SYNPO2: variants seen among roughly 807,000 people sequenced by gnomAD.
SYNPO2 encodes the protein synaptopodin 2.
In SYNPO2, 56 loss-of-function variants were observed where a neutral mutation model predicts 85.0. The ratio of observed to expected loss-of-function variants is 0.66; its 90% CI spans 0.53 to 0.82. The LOEUF is 0.82. Ranked by LOEUF, SYNPO2 falls within the 40% of genes least tolerant of loss-of-function variation. The pLI is 0.00. For synonymous variants in SYNPO2, 602 were observed against 591.1 expected (o/e 1.02, Z -0.27); for missense variants, 1,575 against 1,534.2 (o/e 1.03, Z -0.44).
intron 1 of SYNPO2, among the ~76,000 whole-genome samples, chr4:118,861,156 T>C (rs1731602931): frequency 6.6e-6 from 1 of 152,100 alleles, no homozygotes; most frequent in African/African-American, 2.4e-5. Context: ...AACAGTTTCA[T>C]AGTCTGAGCT....
At position 118,977,476 on chromosome 4, in the gene SYNPO2, A is replaced by C. The variant is rs183299477; in HGVS notation, c.106-45954A>C. Among the ~76,000 whole-genome samples the C allele has an allele frequency of 3.3e-3, 504 of 152,320 alleles. 13 individuals carry two copies. Among genetic ancestry groups the C allele is most frequent in the Admixed American group, 0.029 (446 of 15,298 alleles). On this transcript the variant is annotated intron_variant, in intron 1 of 4. Transcript: ENST00000307142. ...CTGAGGGAGTGGGCTCCGGCCTTGG[A>C]CAGCCCAGAAAGGGGCTCCCACAGT...
chr4:118,946,506 C>T (rs944782191), intron 1 of SYNPO2, among the ~76,000 whole-genome samples: 1 of 138,004 alleles, frequency 7.2e-6, no homozygotes, highest in Non-Finnish European at 1.6e-5. Flanking sequence ...TGGAACAACT[C>T]TTGAAGGATT....
At chr4:118,864,266 A>C (rs182617939) in intron 1 of SYNPO2, among the ~76,000 whole-genome samples, 216 of 152,320 alleles carry the variant, frequency 1.4e-3, no homozygotes, top group African/African-American at 4.8e-3. Flanking sequence ...ACAGTTTCTA[A>C]AATTCCTCTT....
intron 1 of SYNPO2, among the ~76,000 whole-genome samples, chr4:119,013,907 C>T (rs1737424262): frequency 6.6e-6 from 1 of 152,202 alleles, no homozygotes; most frequent in African/African-American, 2.4e-5. Context: ...GTTTCAGATT[C>T]TGCAGTACAA....
At chr4:118,934,642 G>T (rs770785612) in intron 1 of SYNPO2, among the ~76,000 whole-genome samples, 10 of 152,188 alleles carry the variant, frequency 6.6e-5, no homozygotes, top group Non-Finnish European at 8.8e-5. Context: ...CTTTTAGAGT[G>T]GTGAGAATGG....
At chr4:119,015,253 T>A (rs1284764113) in intron 1 of SYNPO2, among the ~76,000 whole-genome samples, 2 of 152,160 alleles carry the variant, frequency 1.3e-5, no homozygotes, top group Non-Finnish European at 1.5e-5. Context: ...AGATCGCCAG[T>A]TTACTAATAA....
At position 119,057,723 on chromosome 4, in the gene SYNPO2, G is replaced by A. The variant is rs1739257571; in HGVS notation, c.3575G>A (p.Gly1192Asp). 1 of 1,614,144 alleles carries A rather than the reference G, an allele frequency of 6.2e-7. No individual in the cohort carries two copies. ...CCTCAAACCCAGAAGGCCTATATGGGCTCATGTGGAAGGCAAGAGTATAAT... is the reference window on the plus strand; with the variant it reads ...CCTCAAACCCAGAAGGCCTATATGGACTCATGTGGAAGGCAAGAGTATAAT... Reference protein sequence around the residue: ...YIPQTQKAYMGSCGRQEYNVT... With the variant: ...YIPQTQKAYMDSCGRQEYNVT... Residue 1192 changes from glycine (G) to aspartate (D), a missense_variant, in exon 5 of 5, where the codon GGC becomes GAC. This residue lies in a region of SYNPO2 where 1,508 missense variants were observed against 1,446.8 expected (regional missense o/e 1.04). Coordinates refer to ENST00000307142, the MANE Select transcript of SYNPO2 (RefSeq NM_133477.3).
chr4:119,001,428 GAA>G (rs1578631016), intron 1 of SYNPO2, among the ~76,000 whole-genome samples: 1 of 152,158 alleles, frequency 6.6e-6, no homozygotes, highest in East Asian at 1.9e-4. Context: ...GTTAACTGAA[GAA>G]ATAGGTAAGT....
intron 1 of SYNPO2, among the ~76,000 whole-genome samples, chr4:118,874,006 G>A (rs1246641817): frequency 6.6e-6 from 1 of 151,974 alleles, no homozygotes; most frequent in Non-Finnish European, 1.5e-5. Flanking sequence ...TGTTTATTTA[G>A]TCAAAGATCA....
In SYNPO2 at chr4:119,038,557, A is replaced by G. The variant is rs1291522325; in HGVS notation, c.3252+6530A>G. 5.1e-6 allele frequency: 5 copies of G among 985,334 alleles called. No individual in the cohort carries two copies. In the East Asian group the frequency reaches 3.4e-4, roughly 67 times the overall value. The allele number at this position is 985,334 out of a possible 1,614,324, so 61.0% of individuals were successfully genotyped here. A position where few individuals can be genotyped will look rare whatever the true frequency, so the allele number is the denominator to read the frequency against. ...TTTGGCTTTCTGCCATTTTAACTAAATGTAACTCAGGGAACTTTCTTATTA... is the reference window on the plus strand; with the variant it reads ...TTTGGCTTTCTGCCATTTTAACTAAGTGTAACTCAGGGAACTTTCTTATTA... On this transcript the variant is annotated intron_variant, in intron 4 of 4. Transcript: ENST00000307142.
intron 1 of SYNPO2, among the ~76,000 whole-genome samples, chr4:118,956,611 C>T (rs528238056): frequency 1.3e-5 from 2 of 152,246 alleles, no homozygotes; most frequent in African/African-American, 4.8e-5. Flanking sequence ...ATATTCAGAA[C>T]GCAAGAGGAA....
chr4:118,987,665 T>C (rs1231948395), intron 1 of SYNPO2, among the ~76,000 whole-genome samples: 1 of 151,128 alleles, frequency 6.6e-6, no homozygotes, highest in Non-Finnish European at 1.5e-5. Flanking sequence ...AAAAGCCTAA[T>C]GTGAACTCGA....
chr4:118,967,106 G>A (rs1301310899), intron 1 of SYNPO2, among the ~76,000 whole-genome samples: 1 of 152,128 alleles, frequency 6.6e-6, no homozygotes, highest in Non-Finnish European at 1.5e-5. Context: ...ACACAGGAGT[G>A]TACTATTATT....
chr4:118,863,523 T>C (rs565172973), intron 1 of SYNPO2, among the ~76,000 whole-genome samples: 2 of 152,324 alleles, frequency 1.3e-5, no homozygotes, highest in African/African-American at 4.8e-5. Context: ...TCATCTCTGA[T>C]TTTATTTATT....
At chr4:119,037,156 C>T in intron 4 of SYNPO2, 1 of 1,545,702 alleles carries the variant, frequency 6.5e-7, no homozygotes. Context: ...TCATAAGGAC[C>T]TACTTCCCAG....
intron 1 of SYNPO2, among the ~76,000 whole-genome samples, chr4:118,966,970 C>T (rs575911189): frequency 1.3e-5 from 2 of 152,148 alleles, no homozygotes; most frequent in Non-Finnish European, 2.9e-5. Context: ...TCTTTTTCCT[C>T]TTTATCCAGT....
At position 119,023,425 on chromosome 4, in the gene SYNPO2, CTCAGATTCGA is replaced by C; in HGVS notation, c.106-4_111del. 1 of 1,601,686 alleles carries C rather than the reference CTCAGATTCGA, an allele frequency of 6.2e-7. No homozygotes were observed. The highest frequency in any genetic ancestry group is 2.2e-5 in the East Asian group (1 of 44,734). ...TACTATGTCTTCTTTTTTTACTCCA[CTCAGATTCGA>C]AATCAGAGCAAAGCCTCTGGGTCTG... On this transcript the variant is annotated splice_acceptor_variant and splice_polypyrimidine_tract_variant and coding_sequence_variant and intron_variant, in exon 2 of 5. Transcript: ENST00000307142. LOFTEE classifies it high-confidence loss of function.
chr4:119,046,666 A>G (rs1055016298), intron 4 of SYNPO2, among the ~76,000 whole-genome samples: 4 of 152,198 alleles, frequency 2.6e-5, no homozygotes, highest in African/African-American at 7.2e-5. Flanking sequence ...CACAATCTTT[A>G]CTCTGCCCAT....
intron 1 of SYNPO2, among the ~76,000 whole-genome samples, chr4:118,983,735 T>C (rs1052334544): frequency 6.6e-6 from 1 of 152,136 alleles, no homozygotes; most frequent in Non-Finnish European, 1.5e-5. Context: ...CAACTTTAAC[T>C]ACCACCTCTT....
Sources: allele counts gnomAD v4.1 joint callset (sites outside exome capture counted in the v4.1 genomes callset), GRCh38; gene constraint gnomAD v4.1.1; regional missense constraint gnomAD v4.1.1; transcripts MANE v1.5; gene names NCBI Gene and HGNC (gene_info 2026-07-23, HGNC 2026-07-21).